BECN1: variants seen among roughly 807,000 people sequenced by gnomAD.
BECN1 encodes the protein beclin 1.
BECN1 carries 15 observed loss-of-function variants against 60.1 expected under a neutral mutation model. That is an observed-to-expected ratio of 0.25 (90% CI 0.17 to 0.38). The LOEUF (loss-of-function observed/expected upper bound fraction) is 0.38, where lower values mean the gene tolerates loss of function less well. BECN1 is among the 10% of genes least tolerant of loss of function. The pLI is 1.00. For synonymous variants in BECN1, 179 were observed against 201.8 expected (o/e 0.89, Z 0.96); for missense variants, 424 against 548.2 (o/e 0.77, Z 2.26).
chr17:42,817,621 T>C (rs1387571012), intron 7 of BECN1, among the ~76,000 whole-genome samples: 1 of 152,174 alleles, frequency 6.6e-6, no homozygotes, highest in Non-Finnish European at 1.5e-5. Flanking sequence ...CAGCACACTG[T>C]AACCTCAAAC....
Position 42,818,865 on chromosome 17 carries a change from T to C in BECN1, c.273A>G (p.Thr91=), listed in dbSNP as rs753868293. ...TCAGAGTGAAGCTGTTGGCACTTTC[T>C]GTGGACATCATCCTGCAGACAGCCC... is the stretch of plus-strand genomic sequence containing the variant. ...RFIPPARMMS[T]ESANSFTLIG... Residue 91 remains threonine (T), a synonymous_variant, in exon 5 of 12, where the codon ACA becomes ACG. Transcript: ENST00000590099. The C allele has an allele frequency of 2.5e-6, 4 of 1,614,170 alleles. No homozygotes were observed. The highest frequency in any genetic ancestry group is 2.5e-6 in the Non-Finnish European group (3 of 1,180,018).
intron 7 of BECN1, 106 bp downstream of exon 7, chr17:42,818,115 G>T: frequency 8.1e-7 from 1 of 1,239,312 alleles, no homozygotes. Flanking sequence ...GCATGCTGCT[G>T]ACTGACAGCT....
At chr17:42,811,886 G>A (rs10512488) in intron 10 of BECN1, 89 bp from the exon 11 acceptor site, 331,429 of 1,480,016 alleles carry the variant, frequency 0.22, 40,723 homozygotes, top group Non-Finnish European at 0.25. Flanking sequence ...CTCAAGTCAT[G>A]TTCTGTCTGT....
rs773845703 is a variant in BECN1, at chr17:42,823,964, T to C, written c.-2-85A>G. 6.6e-6 allele frequency: 10 copies of C among 1,513,728 alleles called. No individual in the cohort carries two copies. In the Admixed American group the frequency reaches 1.4e-4, roughly 21 times the overall value. 93.8% of individuals were successfully genotyped at this position (1,513,728 alleles called of 1,614,324 possible). On this transcript the variant is annotated intron_variant, in intron 1 of 11. Transcript: ENST00000590099. Reference sequence around the variant, plus strand: ...GGGTTACCACATGCCTTGGTGACGATGGTAAAGGGAGGGAAGTCCCAACCT... The same window carrying C: ...GGGTTACCACATGCCTTGGTGACGACGGTAAAGGGAGGGAAGTCCCAACCT...
rs769442924 is a variant in BECN1, at chr17:42,819,616, A to C, written c.199-7T>G. ...GAGTTTCAATAAATGGCTCCTGGGA[A>C]AGAAATAAGAGGGCATTACAACTCT... On this transcript the variant is annotated splice_polypyrimidine_tract_variant and splice_region_variant and intron_variant, in intron 3 of 11. Coordinates refer to ENST00000590099, the MANE Select transcript of BECN1 (RefSeq NM_001313998.2). 1 of 1,613,090 alleles carries C rather than the reference A, an allele frequency of 6.2e-7. No homozygotes were observed.
At chr17:42,821,932 C>T (rs190623043) in intron 2 of BECN1, among the ~76,000 whole-genome samples, 22 of 152,288 alleles carry the variant, frequency 1.4e-4, no homozygotes, top group East Asian at 1.2e-3. Flanking sequence ...GTTTAAGAGG[C>T]GCGGTGGCTC....
chr17:42,814,921 C>T lies in BECN1; in HGVS notation c.831-248G>A, dbSNP rs141707296. 3.8e-3 allele frequency: 1,983 copies of T among 521,578 alleles called. 10 individuals are homozygous for T. Among genetic ancestry groups the T allele is most frequent in the Non-Finnish European group, 5.0e-3 (1,461 of 290,962 alleles). The allele number at this position is 521,578 out of a possible 1,614,324, so 32.3% of individuals were successfully genotyped here. A position where few individuals can be genotyped will look rare whatever the true frequency, so the allele number is the denominator to read the frequency against. ...AGCTCCTTCCGTGCAAAACTGCCAA[C>T]CTCTCCTGATTCTACCTGCTAAATA... On this transcript the variant is annotated intron_variant, in intron 8 of 11. Transcript: ENST00000590099.
intron 2 of BECN1, among the ~76,000 whole-genome samples, chr17:42,821,240 T>C (rs1326115828): frequency 6.6e-6 from 1 of 152,090 alleles, no homozygotes; most frequent in East Asian, 1.9e-4. Flanking sequence ...TTTTGTATTT[T>C]AGTAGAGACA....
intron 7 of BECN1, 109 bp from the exon 8 acceptor site, chr17:42,816,163 G>A (rs529665175): frequency 1.1e-4 from 128 of 1,182,238 alleles, no homozygotes; most frequent in Non-Finnish European, 1.4e-4. Context: ...TCTAGCTCTC[G>A]CATCTTTTAT....
chr17:42,817,534 G>A (rs1430523969), intron 7 of BECN1, among the ~76,000 whole-genome samples: 1 of 152,104 alleles, frequency 6.6e-6, no homozygotes, highest in East Asian at 1.9e-4. Flanking sequence ...CTCAGGTCAA[G>A]GACATCTATA....
intron 1 of BECN1, 55 bp from the exon 2 acceptor site, chr17:42,823,934 GC>G: frequency 6.3e-7 from 1 of 1,588,260 alleles, no homozygotes; most frequent in Non-Finnish European, 8.6e-7. Flanking sequence ...TTGACCTCCG[GC>G]CCGGGGTTAC....
chr17:42,811,554 C>T, intron 11 of BECN1, 101 bp downstream of exon 11: 4 of 1,479,828 alleles, frequency 2.7e-6, no homozygotes, highest in Non-Finnish European at 2.7e-6. Flanking sequence ...CATTTTTTTG[C>T]TTTCCCACCA....
intron 2 of BECN1, 88 bp from the exon 3 acceptor site, chr17:42,820,929 T>C: frequency 8.3e-7 from 1 of 1,202,014 alleles, no homozygotes; most frequent in South Asian, 1.3e-5. Flanking sequence ...TGAAATATTC[T>C]CATCACCACC....
At chr17:42,811,319 A>C in intron 11 of BECN1, 1 of 285,318 alleles carries the variant, frequency 3.5e-6, no homozygotes, top group Non-Finnish European at 6.4e-6. Flanking sequence ...GTTTCCATCC[A>C]TCAATGGGAT....
chr17:42,816,767 T>TA (rs1472839867), intron 7 of BECN1, among the ~76,000 whole-genome samples: 2 of 150,682 alleles, frequency 1.3e-5, no homozygotes, highest in Non-Finnish European at 2.9e-5. Flanking sequence ...GGTCAGGAGT[T>TA]AGATGCCAGC....
chr17:42,816,305 C>CA (rs2055144644), intron 7 of BECN1, among the ~76,000 whole-genome samples: 1 of 152,056 alleles, frequency 6.6e-6, no homozygotes, highest in Non-Finnish European at 1.5e-5. Context: ...CAAACCAGGG[C>CA]AAAAAACCTC....
intron 11 of BECN1, 99 bp downstream of exon 11, chr17:42,811,556 T>C: frequency 1.3e-6 from 2 of 1,491,160 alleles, no homozygotes; most frequent in Non-Finnish European, 1.8e-6. Context: ...TTTTTTTGCT[T>C]TCCCACCATT....
At chr17:42,820,880 T>C in intron 2 of BECN1, 39 bp from the exon 3 acceptor site, 3 of 1,528,580 alleles carry the variant, frequency 2.0e-6, no homozygotes, top group South Asian at 1.2e-5. Flanking sequence ...AACAGTCTTA[T>C]TAAAGCAGGA....
chr17:42,818,223 A>G lies in BECN1; in HGVS notation c.681T>C (p.Ala227=). ...GATAGAACAGGGTGAGCACTCACTG[A>G]GCTTCCTCCTGATCCAGTCTCTCAG... ...AEAERLDQEE[A]QYQREYSEFK... is the part of the protein sequence containing the mutation. Residue 227 remains alanine (A), a splice_region_variant and synonymous_variant, in exon 7 of 12, where the codon GCT becomes GCC. Transcript: ENST00000590099. 1.2e-6 allele frequency: 2 copies of G among 1,613,854 alleles called. No individual in the cohort carries two copies. The highest frequency in any genetic ancestry group is 1.7e-6 in the Non-Finnish European group (2 of 1,179,878).
Sources: gnomAD v4.1 joint callset for allele counts (sites outside exome capture counted in the v4.1 genomes callset) on GRCh38, gnomAD v4.1.1 for gene constraint, MANE v1.5 for transcripts, NCBI Gene and HGNC (gene_info 2026-07-23, HGNC 2026-07-21) for gene names.